Variants in TNIP1 observed in about 807,000 individuals in gnomAD.
TNIP1 encodes the protein TNFAIP3 interacting protein 1.
TNIP1 carries 22 observed loss-of-function variants against 86.6 expected under a neutral mutation model. The ratio of observed to expected loss-of-function variants is 0.25; its 90% CI spans 0.18 to 0.36. The LOEUF is 0.36. Among genes scored for constraint, TNIP1 ranks in the 10% least tolerant of loss-of-function variants. The probability of loss-of-function intolerance (pLI) is 1.00; values close to 1 mark genes in which losing one functional copy is unlikely to be tolerated. For synonymous variants in TNIP1, 294 were observed against 313.0 expected (o/e 0.94, Z 0.64); for missense variants, 709 against 820.6 (o/e 0.86, Z 1.66).
intron 1 of TNIP1, among the ~76,000 whole-genome samples, chr5:151,068,645 T>C (rs1283265086): frequency 6.6e-6 from 1 of 152,168 alleles, no homozygotes; most frequent in Non-Finnish European, 1.5e-5. Flanking sequence ...GCACAGGCAG[T>C]GCAGCAAGGC....
At chr5:151,058,511 A>G (rs1172993827) in intron 5 of TNIP1, among the ~76,000 whole-genome samples, 1 of 152,174 alleles carries the variant, frequency 6.6e-6, no homozygotes, top group Admixed American at 6.5e-5. Flanking sequence ...TGGGCATCTA[A>G]GGCCCTACAG....
intron 6 of TNIP1, among the ~76,000 whole-genome samples, chr5:151,055,693 C>T (rs974869993): frequency 6.6e-6 from 1 of 152,204 alleles, no homozygotes; most frequent in African/African-American, 2.4e-5. Flanking sequence ...ACCAAGGTCA[C>T]GCAAGGGGGA....
At chr5:151,060,069 C>T in intron 5 of TNIP1, among the ~76,000 whole-genome samples, 1 of 152,294 alleles carries the variant, frequency 6.6e-6, no homozygotes, top group East Asian at 1.9e-4. Context: ...CAGAAGGCAA[C>T]AGGGCTGGCA....
intron 1 of TNIP1, among the ~76,000 whole-genome samples, chr5:151,067,567 T>G (rs6861227): frequency 0.22 from 33,255 of 152,144 alleles, 4,931 homozygotes; most frequent in African/African-American, 0.43. Context: ...CATTATGCAT[T>G]CACCCTAAAT....
At position 151,035,618 on chromosome 5, in the gene TNIP1, C is replaced by T; in HGVS notation, c.1485G>A (p.Glu495=). 6.2e-7 allele frequency: 1 copy of T among 1,614,214 alleles called. No homozygotes were observed. The highest frequency in any genetic ancestry group is 2.2e-5 in the East Asian group (1 of 44,872). ...ACAGGGTGACCTGGGCCTGCAGCTT[C>T]TCCACTTGCTTCTTCAGCTCTTCCT... The part of the protein sequence containing the change: ...EEKEELKKQV[E]KLQAQVTLSN... Residue 495 remains glutamate, a synonymous_variant, in exon 14 of 18, where the codon GAG becomes GAA. Transcript: ENST00000521591.
Position 151,063,605 on chromosome 5 carries a change from T to C in TNIP1, c.271+8A>G, listed in dbSNP as rs140513810. The C allele has an allele frequency of 1.5e-4, 247 of 1,613,904 alleles. 2 individuals are homozygous for C. The African/African-American group carries it at 3.1e-3, about 20-fold the overall frequency. ...GGAGAGTCAGAGGTACCCAGACTCC[T>C]CTTATACCTGTGAGCTCAGCCAGGG... is the stretch of plus-strand genomic sequence containing the variant. On this transcript the variant is annotated splice_region_variant and intron_variant, in intron 3 of 17. Coordinates refer to ENST00000521591, the MANE Select transcript of TNIP1 (RefSeq NM_006058.5).
chr5:151,050,298 C>T (rs1174985734), intron 7 of TNIP1, among the ~76,000 whole-genome samples: 2 of 152,018 alleles, frequency 1.3e-5, no homozygotes, highest in East Asian at 1.9e-4. Context: ...ACCACGGAGA[C>T]GGTGCGAGCT....
intron 1 of TNIP1, among the ~76,000 whole-genome samples, chr5:151,069,035 T>TG (rs1762552560): frequency 6.6e-6 from 1 of 152,126 alleles, no homozygotes; most frequent in Non-Finnish European, 1.5e-5. Context: ...AGGCCCAGTT[T>TG]GGGGGCAGAA....
At chr5:151,056,067 C>A (rs946297035) in intron 6 of TNIP1, among the ~76,000 whole-genome samples, 2 of 152,228 alleles carry the variant, frequency 1.3e-5, no homozygotes, top group Non-Finnish European at 2.9e-5. Flanking sequence ...ATGCAGCAAT[C>A]TAACCATGGA....
Position 151,056,684 on chromosome 5 carries a change from G to A in TNIP1, c.627+82C>T, listed in dbSNP as rs557311262. Reference sequence around the variant, plus strand: ...TTCAGAAGTCCCCATGGTACCAGTGGATTCCCAGGAGCAGGAAGGTGGGAA... The same window carrying A: ...TTCAGAAGTCCCCATGGTACCAGTGAATTCCCAGGAGCAGGAAGGTGGGAA... On this transcript the variant is annotated intron_variant, in intron 6 of 17. Transcript: ENST00000521591. 1.2e-4 allele frequency: 160 copies of A among 1,336,474 alleles called. 2 individuals carry two copies. Among genetic ancestry groups the A allele is most frequent in the Middle Eastern group, 7.9e-4 (4 of 5,080 alleles). 82.8% of individuals were successfully genotyped at this position (1,336,474 alleles called of 1,614,324 possible). A position where few individuals can be genotyped will look rare whatever the true frequency, so the allele number is the denominator to read the frequency against.
intron 1 of TNIP1, among the ~76,000 whole-genome samples, chr5:151,067,800 T>C (rs1762408066): frequency 1.3e-5 from 2 of 152,156 alleles, no homozygotes; most frequent in South Asian, 4.1e-4. Context: ...TGCAAGGCCA[T>C]GTCCAACATC....
At chr5:151,072,182 T>C (rs1030721352) in intron 1 of TNIP1, among the ~76,000 whole-genome samples, 1 of 151,826 alleles carries the variant, frequency 6.6e-6, no homozygotes, top group Non-Finnish European at 1.5e-5. Flanking sequence ...CCCTTTCCAC[T>C]GCTCTACACT....
chr5:151,056,939 G>A lies in TNIP1; in HGVS notation c.454C>T (p.Arg152Cys), dbSNP rs765859380. 8 of 1,541,216 alleles carry A rather than the reference G, an allele frequency of 5.2e-6. No individual in the cohort carries two copies. Among genetic ancestry groups the A allele is most frequent in the Middle Eastern group, 1.7e-4 (1 of 5,874 alleles). The change falls in exon 6 of 18, where the codon CGT becomes TGT. Residue 152 changes from arginine (R) to cysteine (C), a missense_variant. Coordinates refer to ENST00000521591, the MANE Select transcript of TNIP1 (RefSeq NM_006058.5). ...TGCAGCATCAGGTTGCCGTCCTCAC[G>A]GGGCAGGGGGCCCAGCGCCTGGAGA... The part of the protein sequence containing the change: ...ANAMALGPLP[R>C]EDGNLMLHLQ...
Position 151,030,267 on chromosome 5 carries a change from G to C in TNIP1, c.*446C>G, listed in dbSNP as rs540645515. On this transcript the variant is annotated 3_prime_UTR_variant, in exon 18 of 18. Coordinates refer to ENST00000521591, the MANE Select transcript of TNIP1 (RefSeq NM_006058.5). ...TCCTCACAGAGGGGTAGGGGTGTGC[G>C]TGGGGCAGGTCCTGCTACAGAGCTT... 5.0e-6 allele frequency: 2 copies of C among 403,488 alleles called. No individual in the cohort carries two copies. Among genetic ancestry groups the C allele is most frequent in the African/African-American group, 4.1e-5 (2 of 48,884 alleles). The allele number at this position is 403,488 out of a possible 1,614,324, so 25.0% of individuals were successfully genotyped here.
Position 151,063,758 on chromosome 5 carries a change from T to G in TNIP1, c.137-11A>C. On this transcript the variant is annotated splice_polypyrimidine_tract_variant and intron_variant, in intron 2 of 17. Transcript: ENST00000521591. ...CTTCCAAAAGCTCCCCTAGAGTTAT[T>G]GGGGAAGAGGAAGCAAAAGCATTTA... 6.2e-7 allele frequency: 1 copy of G among 1,610,310 alleles called. No individual in the cohort carries two copies.
chr5:151,065,538 T>C (rs1762128519), intron 1 of TNIP1, among the ~76,000 whole-genome samples: 1 of 152,222 alleles, frequency 6.6e-6, no homozygotes, highest in South Asian at 2.1e-4. Flanking sequence ...GTATTAGCTA[T>C]GAATTTTGCC....
intron 7 of TNIP1, among the ~76,000 whole-genome samples, chr5:151,051,716 G>A (rs574471512): frequency 5.3e-5 from 8 of 152,318 alleles, no homozygotes; most frequent in South Asian, 4.1e-4. Context: ...AAGGGAAGGC[G>A]TATAAACTTG....
At chr5:151,070,984 C>T (rs1191742001) in intron 1 of TNIP1, among the ~76,000 whole-genome samples, 1 of 150,840 alleles carries the variant, frequency 6.6e-6, no homozygotes, top group African/African-American at 2.5e-5. Context: ...AAATCTACCA[C>T]TCTGGTGGAG....
intron 15 of TNIP1, chr5:151,034,508 G>A: frequency 6.9e-6 from 2 of 290,068 alleles, no homozygotes; most frequent in Non-Finnish European, 1.3e-5. Context: ...GGCACGGAAG[G>A]CTGGGTAAAT....
Sources: allele counts gnomAD v4.1 joint callset (sites outside exome capture counted in the v4.1 genomes callset), GRCh38; gene constraint gnomAD v4.1.1; transcripts MANE v1.5; gene names NCBI Gene and HGNC (gene_info 2026-07-23, HGNC 2026-07-21).